The following MZB1 variants were observed in gnomAD, a reference collection of about 807,000 sequenced individuals.
MZB1 encodes marginal zone B and B1 cell specific protein, also known as marginal zone B- and B1-cell-specific protein.
MZB1 carries 10 observed loss-of-function variants against 17.2 expected under a neutral mutation model. The ratio of observed to expected loss-of-function variants is 0.58; its 90% confidence interval spans 0.36 to 0.98. The LOEUF is 0.98. MZB1 is among the 50% of genes least tolerant of loss of function. The probability of loss-of-function intolerance (pLI) is 0.01; values close to 1 mark genes in which losing one functional copy is unlikely to be tolerated. For synonymous variants in MZB1, 99 were observed against 98.7 expected (o/e 1.00, Z -0.02); for missense variants, 246 against 237.5 (o/e 1.04, Z -0.23).
At chr5:139,388,752 G>T in intron 1 of MZB1, 167 bp from the exon 2 acceptor site, 1 of 1,202,856 alleles carries the variant, frequency 8.3e-7, no homozygotes, top group Non-Finnish European at 1.1e-6. Flanking sequence ...AGCCCCCAAA[G>T]CTCTCTGGGA....
At chr5:139,389,547 G>C (rs1199074138) in intron 1 of MZB1, 133 bp downstream of exon 1, 36 of 1,084,240 alleles carry the variant, frequency 3.3e-5, no homozygotes, top group Admixed American at 1.0e-4. Context: ...TATATGAAAG[G>C]CTGCATCTGT....
intron 1 of MZB1, 182 bp from the exon 2 acceptor site, chr5:139,388,767 G>C (rs1758557022): frequency 9.4e-7 from 1 of 1,066,016 alleles, no homozygotes. Flanking sequence ...CTGGGATGGG[G>C]ATGGGGGATG....
rs1195588347 is a variant in MZB1, at chr5:139,387,930, G to GC, written c.414-10dup. 6.3e-7 allele frequency: 1 copy of GC among 1,575,236 alleles called. No homozygotes were observed. Among genetic ancestry groups the GC allele is most frequent in the Non-Finnish European group, 8.6e-7 (1 of 1,163,848 alleles). ...AACATGTCCTGGAGAGCCTAGGGGA[G>GC]CCCAGCAGGAGCCTCAGATGCTGCC... On this transcript the variant is annotated splice_polypyrimidine_tract_variant and intron_variant, in intron 3 of 3. Transcript: ENST00000302125.
At chr5:139,389,654 C>A (rs1180802027) in intron 1 of MZB1, 26 bp downstream of exon 1, 1 of 1,576,556 alleles carries the variant, frequency 6.3e-7, no homozygotes. Flanking sequence ...GTGAGCAGGG[C>A]AGGGTGACAG....
At chr5:139,389,556 G>T in intron 1 of MZB1, 124 bp downstream of exon 1, 1 of 1,175,980 alleles carries the variant, frequency 8.5e-7, no homozygotes, top group Non-Finnish European at 1.2e-6. Flanking sequence ...GGCTGCATCT[G>T]TGGCTTGATG....
rs369002282 is a variant in MZB1, at chr5:139,387,479, G to GTT, written c.*284_*285dup. The GTT allele has an allele frequency of 1.3e-3, 244 of 191,090 alleles. No homozygotes were observed. Among genetic ancestry groups the GTT allele is most frequent in the East Asian group, 2.2e-3 (20 of 8,978 alleles). 11.8% of individuals were successfully genotyped at this position (191,090 alleles called of 1,614,324 possible). A position where few individuals can be genotyped will look rare whatever the true frequency, so the allele number is the denominator to read the frequency against. On this transcript the variant is annotated 3_prime_UTR_variant, in exon 4 of 4. Coordinates refer to ENST00000302125, the MANE Select transcript of MZB1 (RefSeq NM_016459.4). Reference sequence around the variant, plus strand: ...CAAAAAAAAAAAATTGATTTTGAGAGTTTTTTTTTTTTTTTCACAAGGGAC... The same window carrying GTT: ...CAAAAAAAAAAAATTGATTTTGAGAGTTTTTTTTTTTTTTTTTCACAAGGGAC...
rs748961371 is a variant in MZB1, at chr5:139,388,866, T to TTTTA, written c.178-285_178-282dup. On this transcript the variant is annotated intron_variant, in intron 1 of 3. Transcript: ENST00000302125. ...TGCCCAGTGGCAAGTGTCATTTTATTTTTATTTATTTATTTATTTAGAGAG... is the reference window on the plus strand; with the variant it reads ...TGCCCAGTGGCAAGTGTCATTTTATTTTTATTTATTTATTTATTTATTTAGAGAG... 84 of 282,542 alleles carry TTTTA rather than the reference T, an allele frequency of 3.0e-4. 1 individual carries two copies. The highest frequency in any genetic ancestry group is 6.6e-4 in the African/African-American group (30 of 45,206). 17.5% of individuals were successfully genotyped at this position (282,542 alleles called of 1,614,324 possible). A position where few individuals can be genotyped will look rare whatever the true frequency, so the allele number is the denominator to read the frequency against.
rs1404298934 is a variant in MZB1, at chr5:139,388,514, G to A, written c.249C>T (p.Ser83=). Residue 83 remains serine (S), a synonymous_variant, in exon 2 of 4, where the codon AGC becomes AGT. Coordinates refer to ENST00000302125, the MANE Select transcript of MZB1 (RefSeq NM_016459.4). ...CCAGGACATCCGTGTAGACCAACTC[G>A]CTCAGCTCCCGCCGCCCCCCAGAGT... ...TSNSGGRREL[S]ELVYTDVLDR... 4 of 1,603,080 alleles carry A rather than the reference G, an allele frequency of 2.5e-6. No homozygotes were observed. The highest frequency in any genetic ancestry group is 2.2e-5 in the East Asian group (1 of 44,510).
intron 1 of MZB1, chr5:139,389,441 G>A: frequency 2.9e-6 from 2 of 697,458 alleles, no homozygotes; most frequent in Admixed American, 2.0e-5. Flanking sequence ...AGAAGTCTAA[G>A]GACAAGTGAG....
intron 1 of MZB1, 46 bp downstream of exon 1, chr5:139,389,634 G>C: frequency 6.4e-7 from 1 of 1,553,540 alleles, no homozygotes; most frequent in Non-Finnish European, 8.7e-7. Context: ...GGTCTGGCTT[G>C]AGAAGGGGTG....
chr5:139,388,041 T>A lies in MZB1; in HGVS notation c.393A>T (p.Thr131=). The A allele has an allele frequency of 1.3e-6, 2 of 1,556,596 alleles. No homozygotes were observed. Among genetic ancestry groups the A allele is most frequent in the Non-Finnish European group, 8.7e-7 (1 of 1,149,856 alleles). The change falls in exon 3 of 4, where the codon ACA becomes ACT. Residue 131 remains threonine (T), a synonymous_variant. Transcript: ENST00000302125. ...ATCACCTGGTAGGCCAGGGGCCCCC[T>A]GTGACCATCACGCTGATGCTTGGCT... ...GPEPSISVMV[T]GGPWPTRLSR...
intron 3 of MZB1, 49 bp from the exon 4 acceptor site, chr5:139,387,970 G>C (rs1758542615): frequency 6.3e-7 from 1 of 1,577,140 alleles, no homozygotes; most frequent in East Asian, 2.3e-5. Flanking sequence ...CCACAGTGGG[G>C]CAAACCAAGG....
Position 139,387,770 on chromosome 5 carries a change from G to A in MZB1, c.565C>T (p.Leu189Phe). ...GAGGAGGGTAGAGTCCAGGACTAGA[G>A]CTCTTCTCTTGTGGCTGACACCTTC... Reference protein sequence around the residue: ...SEKVSATREEL With the variant: ...SEKVSATREEF Residue 189 changes from leucine (L) to phenylalanine (F), a missense_variant, in exon 4 of 4, where the codon CTC becomes TTC. By Grantham distance (22) the Leu-to-Phe change is conservative (BLOSUM62 0). Coordinates refer to ENST00000302125, the MANE Select transcript of MZB1 (RefSeq NM_016459.4). The A allele has an allele frequency of 6.5e-7, 1 of 1,542,404 alleles. No individual in the cohort carries two copies.
In MZB1 at chr5:139,389,810, G is replaced by A. The variant is rs1229275424; in HGVS notation, c.47C>T (p.Ala16Val). The stretch of plus-strand genomic sequence containing the variant: ...CCTGTCCCCGAGGCCCCCTGGGATG[G>A]CCCAGGCTCCCAGCAGCAGCAGCAG... ...PLLLLLLGAW[A>V]IPGGLGDRAP... Residue 16 changes from alanine to valine, a missense_variant, in exon 1 of 4, where the codon GCC becomes GTC. Ala to Val is a moderately conservative substitution (Grantham distance 64, BLOSUM62 0). Coordinates refer to ENST00000302125, the MANE Select transcript of MZB1 (RefSeq NM_016459.4). 5.8e-6 allele frequency: 9 copies of A among 1,550,352 alleles called. No individual in the cohort carries two copies. The highest frequency in any genetic ancestry group is 1.7e-4 in the Middle Eastern group (1 of 5,968).
chr5:139,388,695 C>T (rs1460194492), intron 1 of MZB1, 110 bp from the exon 2 acceptor site: 9 of 1,493,378 alleles, frequency 6.0e-6, no homozygotes, highest in Non-Finnish European at 7.2e-6. Context: ...GCAAGAGAGC[C>T]GTTTGAGCAG....
At chr5:139,389,383 G>A (rs373093011) in intron 1 of MZB1, 17 of 620,096 alleles carry the variant, frequency 2.7e-5, no homozygotes, top group Admixed American at 8.5e-5. Context: ...AAGCCGCCCC[G>A]TCAGGGTTGG....
rs1453881811 is a variant in MZB1, at chr5:139,388,439, G to A, written c.302+22C>T. 9 of 1,442,074 alleles carry A rather than the reference G, an allele frequency of 6.2e-6. No individual in the cohort carries two copies. The Admixed American group carries it at 1.9e-4, about 30-fold the overall frequency. The allele number at this position is 1,442,074 out of a possible 1,614,324, so 89.3% of individuals were successfully genotyped here. On this transcript the variant is annotated intron_variant, in intron 2 of 3. Transcript: ENST00000302125. Reference sequence around the variant, plus strand: ...GGCCTGCCCTTGGAGGAGGGAGGTGGGGGGCAGGATTGGCAACTCACTCCT... The same window carrying A: ...GGCCTGCCCTTGGAGGAGGGAGGTGAGGGGCAGGATTGGCAACTCACTCCT...
In MZB1 at chr5:139,387,612, C is replaced by T; in HGVS notation, c.*153G>A. On this transcript the variant is annotated 3_prime_UTR_variant, in exon 4 of 4. Transcript: ENST00000302125. ...TTGAGTCCAGAGGGGAAGGCGTTGACTCCCACCCAGGCCCGAGTGCCCTGA... is the reference window on the plus strand; with the variant it reads ...TTGAGTCCAGAGGGGAAGGCGTTGATTCCCACCCAGGCCCGAGTGCCCTGA... 1.1e-6 allele frequency: 1 copy of T among 884,002 alleles called. No homozygotes were observed. Among genetic ancestry groups the T allele is most frequent in the South Asian group, 3.3e-5 (1 of 30,754 alleles). The allele number at this position is 884,002 out of a possible 1,614,324, so 54.8% of individuals were successfully genotyped here.
At chr5:139,389,390 T>G in intron 1 of MZB1, 32 of 602,560 alleles carry the variant, frequency 5.3e-5, no homozygotes, top group East Asian at 1.8e-4. Context: ...CCCGTCAGGG[T>G]TGGGGAGGGA....
Sources: allele counts gnomAD v4.1 joint callset, GRCh38; gene constraint gnomAD v4.1.1; transcripts MANE v1.5; gene names NCBI Gene and HGNC (gene_info 2026-07-23, HGNC 2026-07-21).